CNTNAP2: variants seen among roughly 807,000 people sequenced by gnomAD.
CNTNAP2 encodes contactin-associated protein-like 2.
CNTNAP2 carries 98 observed loss-of-function variants against 155.2 expected under a neutral mutation model. The ratio of observed to expected loss-of-function variants is 0.63; its 90% CI spans 0.54 to 0.75. The LOEUF (loss-of-function observed/expected upper bound fraction) is 0.75. Among genes scored for constraint, CNTNAP2 ranks in the 30% least tolerant of loss-of-function variants. The probability of loss-of-function intolerance (pLI) is 0.00; values close to 1 mark genes in which losing one functional copy is unlikely to be tolerated. For missense variants in CNTNAP2, 1,727 were observed against 1,688.1 expected (o/e 1.02, Z -0.40); for synonymous variants, 651 against 631.2 (o/e 1.03, Z -0.47).
intron 3 of CNTNAP2, among the ~76,000 whole-genome samples, chr7:146,954,607 C>T (rs1456892130): frequency 6.6e-6 from 1 of 151,640 alleles, no homozygotes; most frequent in Non-Finnish European, 1.5e-5. Flanking sequence ...TATTTTTTTT[C>T]CCTATTCTGT....
Position 146,310,078 on chromosome 7 carries a change from T to C in CNTNAP2, c.97+193105T>C, listed in dbSNP as rs573009684. 2.0e-5 allele frequency among the ~76,000 whole-genome samples: 3 copies of C among 152,288 alleles called. No homozygotes were observed. The South Asian group carries it at 6.2e-4, about 32-fold the overall frequency. Reference sequence around the variant, plus strand: ...ATAATATTGACAGTACTACATAGTGTGTCAAAAAACTAAACTTGGTATTTT... The same window carrying C: ...ATAATATTGACAGTACTACATAGTGCGTCAAAAAACTAAACTTGGTATTTT... On this transcript the variant is annotated intron_variant, in intron 1 of 23. Transcript: ENST00000361727.
At position 147,403,755 on chromosome 7, in the gene CNTNAP2, TC is replaced by T. The variant is rs1796957816; in HGVS notation, c.1670+7978del. On this transcript the variant is annotated intron_variant, in intron 10 of 23. Coordinates refer to ENST00000361727, the MANE Select transcript of CNTNAP2 (RefSeq NM_014141.6). ...CAGTCCAGACTCTAGAGGTGAATTA[TC>T]CCAGAACCTACTTTATATGATAATT... Among the ~76,000 whole-genome samples, 5 of 152,180 alleles carry T rather than the reference TC, an allele frequency of 3.3e-5. No homozygotes were observed. In the South Asian group the frequency reaches 1.0e-3, roughly 32 times the overall value.
chr7:146,618,273 A>G (rs1251034369), intron 1 of CNTNAP2, among the ~76,000 whole-genome samples: 2 of 152,222 alleles, frequency 1.3e-5, no homozygotes, highest in African/African-American at 2.4e-5. Context: ...TTTGAATCTC[A>G]TAGTAAAATT....
chr7:148,264,828 G>A (rs1054521980), intron 20 of CNTNAP2, among the ~76,000 whole-genome samples: 1 of 152,138 alleles, frequency 6.6e-6, no homozygotes, highest in Non-Finnish European at 1.5e-5. Context: ...CTGAGTAGCT[G>A]GGACTATAGG....
At chr7:147,318,393 C>T (rs1224868465) in intron 9 of CNTNAP2, among the ~76,000 whole-genome samples, 3 of 152,124 alleles carry the variant, frequency 2.0e-5, no homozygotes, top group Non-Finnish European at 4.4e-5. Flanking sequence ...AAGATCGTGC[C>T]ACTGCACTCC....
intron 1 of CNTNAP2, among the ~76,000 whole-genome samples, chr7:146,353,177 A>G (rs1033425964): frequency 1.3e-5 from 2 of 152,146 alleles, no homozygotes; most frequent in Non-Finnish European, 2.9e-5. Context: ...TTTCGTCTCC[A>G]ACTTTCTACA....
rs888976222 is a variant in CNTNAP2, at chr7:147,527,015, C to CTTTTTTTTTTTTTTTTTTTTTTTTTT, written c.1778-35121_1778-35096dup. On this transcript the variant is annotated intron_variant, in intron 11 of 23. Coordinates refer to ENST00000361727, the MANE Select transcript of CNTNAP2 (RefSeq NM_014141.6). ...CATGAATTATGGAAGACAGGCATTT[C>CTTTTTTTTTTTTTTTTTTTTTTTTTT]TTTTTTTTTTTTTTTTTTTTTTTTT... 9.2e-5 allele frequency among the ~76,000 whole-genome samples: 6 copies of CTTTTTTTTTTTTTTTTTTTTTTTTTT among 65,182 alleles called. 1 individual carries two copies. Among genetic ancestry groups the CTTTTTTTTTTTTTTTTTTTTTTTTTT allele is most frequent in the African/African-American group, 4.7e-4 (6 of 12,760 alleles). 42.8% of individuals were successfully genotyped at this position (65,182 alleles called of 152,430 possible). A position where few individuals can be genotyped will look rare whatever the true frequency, so the allele number is the denominator to read the frequency against.
chr7:148,365,847 T>C (rs368751024), intron 21 of CNTNAP2, among the ~76,000 whole-genome samples: 4,179 of 43,418 alleles, frequency 0.096, 1,880 homozygotes, highest in East Asian at 0.38. Context: ...TACATGCATG[T>C]GTATGCATGT....
chr7:146,611,991 A>G (rs1013790935), intron 1 of CNTNAP2, among the ~76,000 whole-genome samples: 2 of 152,184 alleles, frequency 1.3e-5, no homozygotes, highest in Non-Finnish European at 2.9e-5. Context: ...ATCCTTGTCC[A>G]TCGATGAGTC....
At chr7:146,346,343 A>G (rs1794818873) in intron 1 of CNTNAP2, among the ~76,000 whole-genome samples, 1 of 152,142 alleles carries the variant, frequency 6.6e-6, no homozygotes, top group South Asian at 2.1e-4. Flanking sequence ...AGTGAATCCT[A>G]TTGTCAACTG....
At chr7:146,650,061 G>A (rs1042210987) in intron 1 of CNTNAP2, among the ~76,000 whole-genome samples, 12 of 152,106 alleles carry the variant, frequency 7.9e-5, no homozygotes, top group African/African-American at 2.9e-4. Context: ...TTACACTGCT[G>A]GTGGGAGTGT....
intron 3 of CNTNAP2, among the ~76,000 whole-genome samples, chr7:146,945,156 A>G (rs1171830388): frequency 6.6e-6 from 1 of 152,202 alleles, no homozygotes; most frequent in East Asian, 1.9e-4. Flanking sequence ...TCAGAACTGC[A>G]TGTGTAAAAA....
At chr7:146,263,908 C>G (rs1051124873) in intron 1 of CNTNAP2, among the ~76,000 whole-genome samples, 3 of 152,100 alleles carry the variant, frequency 2.0e-5, no homozygotes, top group Non-Finnish European at 4.4e-5. Flanking sequence ...GTGCAATTAT[C>G]TTAATTTACT....
intron 9 of CNTNAP2, among the ~76,000 whole-genome samples, chr7:147,368,267 T>C (rs1466595843): frequency 6.6e-6 from 1 of 151,732 alleles, no homozygotes; most frequent in Non-Finnish European, 1.5e-5. Context: ...AGGTTCAGGG[T>C]CATTCTGGAC....
intron 12 of CNTNAP2, among the ~76,000 whole-genome samples, chr7:147,605,803 C>T (rs888524896): frequency 2.0e-5 from 3 of 152,074 alleles, no homozygotes; most frequent in African/African-American, 7.2e-5. Context: ...TCAAGGCACT[C>T]AGGATATCAA....
intron 15 of CNTNAP2, among the ~76,000 whole-genome samples, chr7:147,983,820 G>A (rs1232883247): frequency 6.6e-6 from 1 of 152,166 alleles, no homozygotes; most frequent in East Asian, 1.9e-4. Flanking sequence ...TGTAGATGAA[G>A]TCTCCTAGGT....
chr7:146,793,337 A>G (rs1802707391), intron 2 of CNTNAP2, among the ~76,000 whole-genome samples: 2 of 152,216 alleles, frequency 1.3e-5, no homozygotes, highest in Admixed American at 1.3e-4. Context: ...GCAAATTTAG[A>G]TCTGCAGTCT....
At position 146,702,179 on chromosome 7, in the gene CNTNAP2, T is replaced by C. The variant is rs138390294; in HGVS notation, c.98-72092T>C. 4.7e-3 allele frequency among the ~76,000 whole-genome samples: 710 copies of C among 152,264 alleles called. 4 individuals carry two copies. Among genetic ancestry groups the C allele is most frequent in the Non-Finnish European group, 7.7e-3 (522 of 68,024 alleles). On this transcript the variant is annotated intron_variant, in intron 1 of 23. Transcript: ENST00000361727. Reference sequence around the variant, plus strand: ...GTTGGTATCCATTTAATCCTACATCTATGTACTTAACTATAGCTGAAGCAC... The same window carrying C: ...GTTGGTATCCATTTAATCCTACATCCATGTACTTAACTATAGCTGAAGCAC...
At chr7:148,275,084 C>T (rs1796849547) in intron 21 of CNTNAP2, among the ~76,000 whole-genome samples, 1 of 152,186 alleles carries the variant, frequency 6.6e-6, no homozygotes, top group Non-Finnish European at 1.5e-5. Flanking sequence ...GGGTCCAAGA[C>T]AGGCACAGTT....
Sources: allele counts gnomAD v4.1 joint callset (sites outside exome capture counted in the v4.1 genomes callset), GRCh38; gene constraint gnomAD v4.1.1; transcripts MANE v1.5; gene names NCBI Gene and HGNC (gene_info 2026-07-23, HGNC 2026-07-21).